SH3D19: variants seen among roughly 807,000 people sequenced by gnomAD.
SH3D19 encodes SH3 domain containing 19.
A neutral mutation model predicts 112.1 loss-of-function variants in SH3D19; 58 were observed. The observed-to-expected ratio is 0.52, with a 90% CI of 0.42 to 0.64. The LOEUF is 0.64. SH3D19 is among the 30% of genes least tolerant of loss of function. The probability of loss-of-function intolerance (pLI) is 0.00; values close to 1 mark genes in which losing one functional copy is unlikely to be tolerated. For missense variants in SH3D19, 1,090 were observed against 1,263.4 expected (o/e 0.86, Z 2.08); for synonymous variants, 391 against 448.5 (o/e 0.87, Z 1.62).
chr4:151,166,578 C>T (rs1758068906), intron 7 of SH3D19, among the ~76,000 whole-genome samples: 1 of 151,766 alleles, frequency 6.6e-6, no homozygotes, highest in African/African-American at 2.4e-5. Flanking sequence ...TTCTACTCAG[C>T]ACACAGGATC....
chr4:151,265,356 A>G (rs75590948), intron 1 of SH3D19, among the ~76,000 whole-genome samples: 6 of 141,978 alleles, frequency 4.2e-5, no homozygotes, highest in African/African-American at 1.3e-4. Flanking sequence ...AAATCAGTTG[A>G]AAAAAAAAAA....
chr4:151,209,413 G>C (rs1765612244), intron 2 of SH3D19, among the ~76,000 whole-genome samples: 1 of 151,826 alleles, frequency 6.6e-6, no homozygotes, highest in Non-Finnish European at 1.5e-5. Flanking sequence ...TGAGTAGCTG[G>C]GACTACAGGT....
At chr4:151,214,818 C>T in intron 2 of SH3D19, among the ~76,000 whole-genome samples, 1 of 144,314 alleles carries the variant, frequency 6.9e-6, no homozygotes, top group Non-Finnish European at 1.6e-5. Flanking sequence ...GGGCTGACCC[C>T]CACCTCCCTC....
chr4:151,298,987 C>T (rs1047308741), intron 1 of SH3D19, among the ~76,000 whole-genome samples: 2 of 152,204 alleles, frequency 1.3e-5, no homozygotes, highest in Admixed American at 6.5e-5. Context: ...GTGTTCCTCA[C>T]CATCACCCTC....
chr4:151,193,068 T>C (rs1048397684), intron 2 of SH3D19, among the ~76,000 whole-genome samples: 3 of 152,088 alleles, frequency 2.0e-5, no homozygotes, highest in African/African-American at 7.2e-5. Flanking sequence ...ACTGGACTAA[T>C]GTGAACTCAA....
intron 1 of SH3D19, among the ~76,000 whole-genome samples, chr4:151,263,750 G>A (rs1772555049): frequency 1.3e-5 from 2 of 151,836 alleles, no homozygotes; most frequent in South Asian, 4.2e-4. Context: ...AATGATCCAA[G>A]ACAGAGCAAT....
At chr4:151,173,357 C>T (rs1411520618) in intron 7 of SH3D19, among the ~76,000 whole-genome samples, 1 of 152,152 alleles carries the variant, frequency 6.6e-6, no homozygotes, top group Non-Finnish European at 1.5e-5. Flanking sequence ...CAACATTATA[C>T]AGTGAAAAAT....
intron 8 of SH3D19, among the ~76,000 whole-genome samples, chr4:151,164,772 G>GT (rs1757710813): frequency 6.6e-6 from 1 of 152,072 alleles, no homozygotes; most frequent in East Asian, 1.9e-4. Context: ...TAGAGACAGA[G>GT]TTTCACCATG....
chr4:151,281,960 G>C (rs1774276984), intron 1 of SH3D19, among the ~76,000 whole-genome samples: 1 of 152,036 alleles, frequency 6.6e-6, no homozygotes, highest in African/African-American at 2.4e-5. Context: ...AGAAAGAGTG[G>C]TCAGGGAAGG....
chr4:151,281,702 A>G (rs1207548900), intron 1 of SH3D19, among the ~76,000 whole-genome samples: 1 of 150,834 alleles, frequency 6.6e-6, no homozygotes, highest in African/African-American at 2.5e-5. Context: ...TTTATTTTGT[A>G]CATCTTATCA....
At chr4:151,254,297 T>TTTTA (rs76523570) in intron 1 of SH3D19, among the ~76,000 whole-genome samples, 49,392 of 149,674 alleles carry the variant, frequency 0.33, 9,304 homozygotes, top group Non-Finnish European at 0.44. Context: ...TTTTTTTTAT[T>TTTTA]TTTATTTATT....
intron 2 of SH3D19, among the ~76,000 whole-genome samples, chr4:151,195,371 CAAAAAAAAA>C (rs58618820): frequency 7.5e-5 from 5 of 66,774 alleles, no homozygotes; most frequent in Non-Finnish European, 9.7e-5. Context: ...GACTCTGTCT[CAAAAAAAAA>C]AAAAAAAAAA....
chr4:151,208,802 C>T (rs1369008820), intron 2 of SH3D19, among the ~76,000 whole-genome samples: 4 of 151,996 alleles, frequency 2.6e-5, no homozygotes, highest in African/African-American at 7.2e-5. Flanking sequence ...CTTAGCCTCC[C>T]GAGTAGCTGG....
rs763356380 is a variant in SH3D19, at chr4:151,135,041, T to A, written c.2486+33A>T. 6.6e-6 allele frequency: 10 copies of A among 1,523,562 alleles called. 1 individual carries two copies. The South Asian group carries it at 9.3e-5, about 14-fold the overall frequency. The allele number at this position is 1,523,562 out of a possible 1,614,324, so 94.4% of individuals were successfully genotyped here. On this transcript the variant is annotated intron_variant, in intron 15 of 19. Coordinates refer to ENST00000604030, the MANE Select transcript of SH3D19 (RefSeq NM_001378122.1). ...ATGATATAGATGGTTATCTCCTTTG[T>A]ATTTTGTGTAAAAGAACACAAATAA...
At chr4:151,242,663 A>C (rs1452828369) in intron 1 of SH3D19, among the ~76,000 whole-genome samples, 1 of 152,212 alleles carries the variant, frequency 6.6e-6, no homozygotes, top group African/African-American at 2.4e-5. Flanking sequence ...AAAAGGAGAA[A>C]GTATATTTAG....
intron 17 of SH3D19, among the ~76,000 whole-genome samples, chr4:151,130,992 T>C (rs1453068955): frequency 1.3e-5 from 2 of 151,930 alleles, no homozygotes; most frequent in Non-Finnish European, 2.9e-5. Context: ...CCCGTATATA[T>C]AATCTCACTA....
intron 1 of SH3D19, chr4:151,262,706 C>CTCTCTCTG (rs1346863592): frequency 6.6e-6 from 1 of 150,868 alleles, no homozygotes; most frequent in Admixed American, 6.7e-5. Flanking sequence ...CTCTCTCTCT[C>CTCTCTCTG]TCTCTGGGCA....
intron 1 of SH3D19, among the ~76,000 whole-genome samples, chr4:151,277,403 C>G (rs1773743278): frequency 1.3e-5 from 2 of 152,068 alleles, no homozygotes; most frequent in Admixed American, 6.6e-5. Flanking sequence ...TTGGAAATAG[C>G]AGTACACACA....
chr4:151,268,805 G>GT (rs1773016287), intron 1 of SH3D19, among the ~76,000 whole-genome samples: 1 of 148,504 alleles, frequency 6.7e-6, no homozygotes, highest in African/African-American at 2.5e-5. Flanking sequence ...ATTCCATGGT[G>GT]TATATGTGCC....
Sources: gnomAD v4.1 joint callset for allele counts (sites outside exome capture counted in the v4.1 genomes callset) on GRCh38, gnomAD v4.1.1 for gene constraint, MANE v1.5 for transcripts, NCBI Gene and HGNC (gene_info 2026-07-23, HGNC 2026-07-21) for gene names.